The following ERICH6 variants were observed in gnomAD, a reference collection of about 807,000 sequenced individuals.
The protein encoded by ERICH6 is glutamate-rich protein 6.
Under a neutral mutation model 71.0 loss-of-function variants are expected in ERICH6, and 71 were observed. The observed-to-expected ratio is 1.00, with a 90% CI of 0.83 to 1.22. The LOEUF (loss-of-function observed/expected upper bound fraction) is 1.22. ERICH6 is among the 50% of genes most tolerant of loss of function. The pLI is 0.00. For synonymous variants in ERICH6, 262 were observed against 278.4 expected, an observed-to-expected ratio of 0.94 and a Z score of 0.59; for missense variants, 808 against 797.2, an observed-to-expected ratio of 1.01 and a Z score of -0.16.
intron 3 of ERICH6, among the ~76,000 whole-genome samples, chr3:150,689,972 T>G (rs904239752): frequency 2.0e-5 from 3 of 152,188 alleles, no homozygotes; most frequent in Non-Finnish European, 2.9e-5. Context: ...TACTCTTGGG[T>G]TTTTTAAGAC....
intron 10 of ERICH6, among the ~76,000 whole-genome samples, chr3:150,674,491 A>G (rs971999582): frequency 1.3e-5 from 2 of 152,150 alleles, no homozygotes; most frequent in Non-Finnish European, 2.9e-5. Context: ...TATATTTTGT[A>G]ATAGATCTTA....
At chr3:150,673,157 C>CCT (rs960121462) in intron 11 of ERICH6, among the ~76,000 whole-genome samples, 29 of 151,174 alleles carry the variant, frequency 1.9e-4, no homozygotes, top group Non-Finnish European at 3.5e-4. Flanking sequence ...TTCCTCCCTC[C>CCT]CTTCCATCCG....
chr3:150,659,969 T>C lies in ERICH6; in HGVS notation c.1915A>G (p.Ile639Val). 6.2e-7 allele frequency: 1 copy of C among 1,614,134 alleles called. No individual in the cohort carries two copies. Residue 639 changes from isoleucine (I) to valine (V), a missense_variant, in exon 14 of 14, where the codon ATT becomes GTT. Transcript: ENST00000295910. ...ATACCAGAACTGTGACAAAGGGCAA[T>C]TAGTTTTAGAGAAAGTGAAGAAAGG... Reference protein sequence around the residue: ...SYLSSLSLKLIALCHSSGIKQ... With the variant: ...SYLSSLSLKLVALCHSSGIKQ...
At position 150,673,769 on chromosome 3, in the gene ERICH6, C is replaced by T. The variant is rs190150296; in HGVS notation, c.1343+187G>A. On this transcript the variant is annotated intron_variant, in intron 11 of 13. Transcript: ENST00000295910. ...ACGCCCAGCTAACACTTTGTGGAGA[C>T]GGAGTTTTGCCATGTTGCCCAGGCT... is the stretch of plus-strand genomic sequence containing the variant. Among the ~76,000 whole-genome samples the T allele has an allele frequency of 7.0e-4, 106 of 151,870 alleles. 1 individual carries two copies. The East Asian group carries it at 0.019, about 27-fold the overall frequency.
intron 3 of ERICH6, among the ~76,000 whole-genome samples, chr3:150,690,127 A>G (rs1351182809): frequency 6.6e-6 from 1 of 152,218 alleles, no homozygotes; most frequent in Non-Finnish European, 1.5e-5. Flanking sequence ...CCCAGAGCTC[A>G]GCGATCCAGT....
chr3:150,663,088 C>T (rs1727281556), intron 13 of ERICH6, among the ~76,000 whole-genome samples: 1 of 152,058 alleles, frequency 6.6e-6, no homozygotes, highest in Non-Finnish European at 1.5e-5. Flanking sequence ...TTAGAAGTCC[C>T]CGGAGAGTTC....
At chr3:150,677,072 A>T (rs555532016) in intron 10 of ERICH6, among the ~76,000 whole-genome samples, 12 of 152,262 alleles carry the variant, frequency 7.9e-5, no homozygotes, top group African/African-American at 2.6e-4. Flanking sequence ...TTGGCCTCCC[A>T]AAGTGCTAGG....
At chr3:150,684,032 C>T (rs576491096) in intron 6 of ERICH6, among the ~76,000 whole-genome samples, 3 of 152,278 alleles carry the variant, frequency 2.0e-5, no homozygotes, top group African/African-American at 7.2e-5. Context: ...AGTATAACCT[C>T]AGAGACATCC....
chr3:150,683,913 G>A (rs549166053), intron 6 of ERICH6, among the ~76,000 whole-genome samples: 1 of 152,348 alleles, frequency 6.6e-6, no homozygotes, highest in Admixed American at 6.5e-5. Context: ...GACCTGCTGA[G>A]GAGCAGGAGG....
intron 2 of ERICH6, 142 bp downstream of exon 2, chr3:150,701,979 C>A: frequency 1.7e-6 from 1 of 578,090 alleles, no homozygotes; most frequent in Non-Finnish European, 3.1e-6. Flanking sequence ...AAAGTGTCTA[C>A]CAGTGTATAT....
At position 150,703,874 on chromosome 3, in the gene ERICH6, C is replaced by T. The variant is rs199862803; in HGVS notation, c.25G>A (p.Gly9Ser). 5.0e-6 allele frequency: 8 copies of T among 1,614,020 alleles called. No individual in the cohort carries two copies. The African/African-American group carries it at 8.0e-5, about 16-fold the overall frequency. Reference protein sequence around the residue: MAHLRSPSGFGDPGKKDQK... With the variant: MAHLRSPSSFGDPGKKDQK... ...TCCTTCTTCCCCGGGTCTCCGAAGCCGCTAGGCGAGCGCAAGTGGGCCATG... is the reference window on the plus strand; with the variant it reads ...TCCTTCTTCCCCGGGTCTCCGAAGCTGCTAGGCGAGCGCAAGTGGGCCATG... Residue 9 changes from glycine (G) to serine (S), a missense_variant, in exon 1 of 14, where the codon GGC becomes AGC. Transcript: ENST00000295910.
chr3:150,683,564 G>C (rs577273712), intron 6 of ERICH6, among the ~76,000 whole-genome samples: 1 of 152,220 alleles, frequency 6.6e-6, no homozygotes, highest in African/African-American at 2.4e-5. Context: ...AGGAATTGGA[G>C]ACCAGCCTGG....
chr3:150,679,905 G>A (rs1338681047), intron 9 of ERICH6, among the ~76,000 whole-genome samples: 2 of 152,148 alleles, frequency 1.3e-5, no homozygotes, highest in Admixed American at 6.5e-5. Flanking sequence ...CGATCCACCC[G>A]CCTCAGCCTC....
intron 3 of ERICH6, 92 bp from the exon 4 acceptor site, chr3:150,686,446 C>T (rs2108066057): frequency 9.9e-7 from 1 of 1,011,838 alleles, no homozygotes; most frequent in African/African-American, 1.6e-5. Flanking sequence ...AAATAACTAC[C>T]CTTACTATGT....
chr3:150,670,240 T>G (rs1482662706), intron 11 of ERICH6, among the ~76,000 whole-genome samples: 1 of 152,056 alleles, frequency 6.6e-6, no homozygotes. Flanking sequence ...ATCTCAGCAC[T>G]TGGGGAGGCT....
chr3:150,698,693 C>G (rs1576563896), intron 3 of ERICH6, 98 bp downstream of exon 3: 2 of 968,786 alleles, frequency 2.1e-6, no homozygotes, highest in East Asian at 4.8e-5. Context: ...TGTGTTGGGG[C>G]TGGGATTCAA....
At chr3:150,702,514 G>A (rs1159773850) in intron 1 of ERICH6, among the ~76,000 whole-genome samples, 1 of 152,108 alleles carries the variant, frequency 6.6e-6, no homozygotes, top group Non-Finnish European at 1.5e-5. Flanking sequence ...CCGACCTCGT[G>A]ATCTGCCCGC....
At position 150,682,220 on chromosome 3, in the gene ERICH6, GC is replaced by G; in HGVS notation, c.879del (p.His294MetfsTer11). 3.1e-6 allele frequency: 5 copies of G among 1,612,248 alleles called. No homozygotes were observed. In the Middle Eastern group the frequency reaches 6.6e-4, roughly 213 times the overall value. On this transcript the variant is annotated frameshift_variant, in exon 7 of 14. Coordinates refer to ENST00000295910, the MANE Select transcript of ERICH6 (RefSeq NM_152394.5). LOFTEE classifies it high-confidence loss of function. Reference sequence around the variant, plus strand: ...AGTAAACCTGACTTAGAACTTACATGCCCTTTTGGTTCAGAGGAAACATCCA... The same window carrying G: ...AGTAAACCTGACTTAGAACTTACATGCCTTTTGGTTCAGAGGAAACATCCA... Reference protein sequence around the residue: ...SNVDVSSEPKGHASCCIAFQN... With the variant: ...SNVDVSSEPKXHASCCIAFQN...
intron 2 of ERICH6, among the ~76,000 whole-genome samples, chr3:150,701,427 C>A (rs746334266): frequency 6.6e-6 from 1 of 152,056 alleles, no homozygotes; most frequent in Non-Finnish European, 1.5e-5. Context: ...TGAAGAAGGG[C>A]ATGAGATTTT....
Sources: gnomAD v4.1 joint callset for allele counts (sites outside exome capture counted in the v4.1 genomes callset) on GRCh38, gnomAD v4.1.1 for gene constraint, MANE v1.5 for transcripts, NCBI Gene and HGNC (gene_info 2026-07-23, HGNC 2026-07-21) for gene names.